ANXA3: variants seen among roughly 807,000 people sequenced by gnomAD.
The protein encoded by ANXA3 is annexin A3.
A neutral mutation model predicts 48.8 loss-of-function variants in ANXA3; 46 were observed. The ratio of observed to expected loss-of-function variants is 0.94; its 90% CI spans 0.74 to 1.21. The LOEUF is 1.21. ANXA3 is among the 50% of genes most tolerant of loss of function. The pLI, the probability that ANXA3 is intolerant of heterozygous loss-of-function variation, is 0.00. For synonymous variants in ANXA3, 128 were observed against 134.7 expected (o/e 0.95, Z 0.35); for missense variants, 383 against 378.6 (o/e 1.01, Z -0.10).
intron 4 of ANXA3, among the ~76,000 whole-genome samples, chr4:78,580,683 C>T (rs1437931570): frequency 2.0e-5 from 3 of 152,172 alleles, no homozygotes; most frequent in Non-Finnish European, 4.4e-5. Flanking sequence ...GTTCTCCAGG[C>T]CCCCAGGCTC....
At chr4:78,554,303 T>C (rs1722464699) in intron 1 of ANXA3, 133 bp from the exon 2 acceptor site, 2 of 663,382 alleles carry the variant, frequency 3.0e-6, no homozygotes, top group African/African-American at 3.6e-5. Context: ...ATGTCAGATA[T>C]ATGCTCTTCC....
At chr4:78,575,729 A>G (rs1283179682) in intron 3 of ANXA3, among the ~76,000 whole-genome samples, 1 of 152,222 alleles carries the variant, frequency 6.6e-6, no homozygotes, top group Non-Finnish European at 1.5e-5. Context: ...GAAGTTTTAA[A>G]TTTTAGTGAA....
intron 11 of ANXA3, 153 bp downstream of exon 11, chr4:78,601,721 A>G (rs763822284): frequency 3.2e-6 from 2 of 622,614 alleles, no homozygotes; most frequent in Non-Finnish European, 5.6e-6. Flanking sequence ...GGTATGATAC[A>G]ATACACTCTT....
At position 78,610,101 on chromosome 4, in the gene ANXA3, G is replaced by A; in HGVS notation, c.958G>A (p.Gly320Ser). 3.1e-6 allele frequency: 5 copies of A among 1,610,116 alleles called. No homozygotes were observed. The highest frequency in any genetic ancestry group is 4.2e-6 in the Non-Finnish European group (5 of 1,177,620). The change falls in exon 13 of 13, where the codon GGT becomes AGT. Residue 320 changes from glycine (G) to serine (S), a missense_variant. By Grantham distance (56) the Gly-to-Ser change is moderately conservative. Transcript: ENST00000264908. ...DYEITLLKICGGDD is the reference protein window; with the variant it reads ...DYEITLLKICSGDD ...TGAAATCACACTCTTAAAAATCTGT[G>A]GTGGAGATGACTGAACCAAGAAGAT...
intron 3 of ANXA3, among the ~76,000 whole-genome samples, chr4:78,573,869 T>G (rs1722892837): frequency 6.6e-6 from 1 of 152,180 alleles, no homozygotes; most frequent in East Asian, 1.9e-4. Flanking sequence ...AATGAGATCC[T>G]AGGAGAATCC....
At chr4:78,598,447 T>C (rs925477644) in intron 10 of ANXA3, among the ~76,000 whole-genome samples, 1 of 152,226 alleles carries the variant, frequency 6.6e-6, no homozygotes, top group Non-Finnish European at 1.5e-5. Flanking sequence ...AAAAGTAGAA[T>C]TGAGATCAGT....
At chr4:78,583,751 T>A (rs1184210403) in intron 5 of ANXA3, among the ~76,000 whole-genome samples, 1 of 152,218 alleles carries the variant, frequency 6.6e-6, no homozygotes, top group East Asian at 1.9e-4. Flanking sequence ...AAGCTGAAGC[T>A]GCTGTCCACA....
At chr4:78,595,739 G>C in intron 8 of ANXA3, 55 bp from the exon 9 acceptor site, 1 of 1,100,860 alleles carries the variant, frequency 9.1e-7, no homozygotes, top group South Asian at 1.3e-5. Context: ...TTCTTCTCAT[G>C]TCACCTCTCA....
At chr4:78,566,241 G>A (rs1291447928) in intron 2 of ANXA3, among the ~76,000 whole-genome samples, 1 of 152,052 alleles carries the variant, frequency 6.6e-6, no homozygotes, top group Non-Finnish European at 1.5e-5. Context: ...TGTCTTCCCT[G>A]ATTTCTGAAT....
At chr4:78,609,467 T>A (rs1723712987) in intron 12 of ANXA3, among the ~76,000 whole-genome samples, 1 of 152,224 alleles carries the variant, frequency 6.6e-6, no homozygotes, top group Non-Finnish European at 1.5e-5. Context: ...AAGGAACTGA[T>A]AAACATATTC....
intron 10 of ANXA3, among the ~76,000 whole-genome samples, chr4:78,600,283 C>A (rs1282131756): frequency 1.3e-5 from 2 of 152,118 alleles, no homozygotes; most frequent in Non-Finnish European, 2.9e-5. Flanking sequence ...GGTGATAAAG[C>A]CTCCTTCCCA....
In ANXA3 at chr4:78,573,984, A is replaced by G. The variant is rs980109069; in HGVS notation, c.103+717A>G. On this transcript the variant is annotated intron_variant, in intron 3 of 12. Transcript: ENST00000264908. Reference sequence around the variant, plus strand: ...AGCCCCTAGTTTCTGCAGCTATTTCAACAGTTTCCTTTTGCTAGTCATGTG... The same window carrying G: ...AGCCCCTAGTTTCTGCAGCTATTTCGACAGTTTCCTTTTGCTAGTCATGTG... Among the ~76,000 whole-genome samples, 4 of 152,130 alleles carry G rather than the reference A, an allele frequency of 2.6e-5. No homozygotes were observed. The East Asian group carries it at 7.7e-4, about 29-fold the overall frequency.
chr4:78,603,115 A>G lies in ANXA3; in HGVS notation c.790-1162A>G, dbSNP rs1329115009. 3 of 151,936 alleles carry G rather than the reference A, an allele frequency of 2.0e-5. No individual in the cohort carries two copies. In the East Asian group the frequency reaches 5.8e-4, roughly 29 times the overall value. 9.4% of individuals were successfully genotyped at this position (151,936 alleles called of 1,614,324 possible). A position where few individuals can be genotyped will look rare whatever the true frequency, so the allele number is the denominator to read the frequency against. ...CCATTTCCAGCTTTCTTTTCTTCAT[A>G]TTTCTGATCACTATTTACTTAAGCA... On this transcript the variant is annotated intron_variant, in intron 11 of 12. Coordinates refer to ENST00000264908, the MANE Select transcript of ANXA3 (RefSeq NM_005139.3).
chr4:78,606,487 A>T (rs1228720531), intron 12 of ANXA3, among the ~76,000 whole-genome samples: 1 of 152,166 alleles, frequency 6.6e-6, no homozygotes, highest in Non-Finnish European at 1.5e-5. Context: ...GCTTACACTC[A>T]GCGATGTCCC....
chr4:78,609,362 T>C (rs968506110), intron 12 of ANXA3, among the ~76,000 whole-genome samples: 1 of 152,226 alleles, frequency 6.6e-6, no homozygotes, highest in African/African-American at 2.4e-5. Flanking sequence ...CTGTGAAGTC[T>C]TTTGCGTTAC....
At chr4:78,580,941 T>C (rs1723058948) in intron 4 of ANXA3, among the ~76,000 whole-genome samples, 1 of 152,220 alleles carries the variant, frequency 6.6e-6, no homozygotes, top group African/African-American at 2.4e-5. Flanking sequence ...ATTGGCCTTT[T>C]GGTATTTCCA....
chr4:78,608,128 G>C (rs1455179192), intron 12 of ANXA3, among the ~76,000 whole-genome samples: 1 of 152,076 alleles, frequency 6.6e-6, no homozygotes, highest in East Asian at 1.9e-4. Context: ...ATAAGCAAAG[G>C]GGGTAGGGTG....
chr4:78,586,876 T>C (rs1189467922), intron 6 of ANXA3, among the ~76,000 whole-genome samples: 1 of 152,162 alleles, frequency 6.6e-6, no homozygotes, highest in East Asian at 1.9e-4. Context: ...CAGGTTAAGG[T>C]CACAGTCCCC....
At chr4:78,560,925 A>G (rs1722614521) in intron 2 of ANXA3, among the ~76,000 whole-genome samples, 1 of 152,154 alleles carries the variant, frequency 6.6e-6, no homozygotes, top group South Asian at 2.1e-4. Flanking sequence ...ATATTCTTTT[A>G]TTTTTGACTA....
Sources: gnomAD v4.1 joint callset for allele counts (sites outside exome capture counted in the v4.1 genomes callset) on GRCh38, gnomAD v4.1.1 for gene constraint, MANE v1.5 for transcripts, NCBI Gene and HGNC (gene_info 2026-07-23, HGNC 2026-07-21) for gene names.